The following ANKS1B variants were observed in gnomAD, a reference collection of about 807,000 sequenced individuals.
The protein encoded by ANKS1B is ankyrin repeat and sterile alpha motif domain containing 1B.
Under a neutral mutation model 148.3 loss-of-function variants are expected in ANKS1B, and 36 were observed. That is an observed-to-expected ratio of 0.24 (90% CI 0.19 to 0.32). The LOEUF (loss-of-function observed/expected upper bound fraction) is 0.32, where lower values mean the gene tolerates loss of function less well. Among genes scored for constraint, ANKS1B ranks in the 10% least tolerant of loss-of-function variants. The probability of loss-of-function intolerance (pLI) is 1.00; values close to 1 mark genes in which losing one functional copy is unlikely to be tolerated. For missense variants in ANKS1B, 1,157 were observed against 1,542.6 expected, an observed-to-expected ratio of 0.75 and a Z score of 4.19; for synonymous variants, 542 against 560.8, an observed-to-expected ratio of 0.97 and a Z score of 0.47.
At chr12:99,288,329 C>T (rs1311614334) in intron 12 of ANKS1B, among the ~76,000 whole-genome samples, 1 of 152,024 alleles carries the variant, frequency 6.6e-6, no homozygotes, top group Non-Finnish European at 1.5e-5. Flanking sequence ...ATCCTTCAAA[C>T]ATGAAGGAGA....
chr12:99,523,832 G>A (rs1319885453), intron 9 of ANKS1B, among the ~76,000 whole-genome samples: 5 of 152,112 alleles, frequency 3.3e-5, no homozygotes, highest in African/African-American at 1.2e-4. Flanking sequence ...GACTACAGGC[G>A]TGAGCCACCA....
At chr12:99,271,315 T>A (rs2077011170) in intron 12 of ANKS1B, among the ~76,000 whole-genome samples, 1 of 152,176 alleles carries the variant, frequency 6.6e-6, no homozygotes, top group Non-Finnish European at 1.5e-5. Context: ...TCATGAAGCC[T>A]TTGTTGTTTG....
intron 12 of ANKS1B, among the ~76,000 whole-genome samples, chr12:99,398,779 ATAT>A: frequency 6.6e-6 from 1 of 152,236 alleles, no homozygotes; most frequent in Middle Eastern, 3.4e-3. Context: ...GCTCACCAAC[ATAT>A]TATTAGTGCC....
In ANKS1B at chr12:98,882,754, C is replaced by CAA. The variant is rs5800370; in HGVS notation, c.2779-50620_2779-50619dup. Among the ~76,000 whole-genome samples the CAA allele has an allele frequency of 7.3e-3, 885 of 121,514 alleles. 9 individuals carry two copies. Among genetic ancestry groups the CAA allele is most frequent in the African/African-American group, 0.023 (743 of 32,222 alleles). The allele number at this position is 121,514 out of a possible 152,430, so 79.7% of individuals were successfully genotyped here. A position where few individuals can be genotyped will look rare whatever the true frequency, so the allele number is the denominator to read the frequency against. ...AACTGGGCAAGTAACTGCCATACTG[C>CAA]AAAAAAAAAAAAAAATTCCTTATTA... On this transcript the variant is annotated intron_variant, in intron 17 of 26. Transcript: ENST00000683438.
At chr12:99,249,633 C>A (rs555963024) in intron 12 of ANKS1B, among the ~76,000 whole-genome samples, 5 of 152,302 alleles carry the variant, frequency 3.3e-5, no homozygotes, top group African/African-American at 1.2e-4. Flanking sequence ...TATGAAGCCT[C>A]CTGGAAAGCC....
chr12:99,387,367 C>T (rs982615807), intron 12 of ANKS1B, among the ~76,000 whole-genome samples: 4 of 152,102 alleles, frequency 2.6e-5, no homozygotes, highest in Non-Finnish European at 5.9e-5. Flanking sequence ...CCTGTAATCC[C>T]AGCACTTTGG....
chr12:99,519,820 A>G (rs1483807175), intron 9 of ANKS1B, among the ~76,000 whole-genome samples: 2 of 152,012 alleles, frequency 1.3e-5, no homozygotes, highest in Non-Finnish European at 2.9e-5. Context: ...TTTTTTGTAT[A>G]TCCATTGTAT....
intron 11 of ANKS1B, among the ~76,000 whole-genome samples, chr12:99,432,966 G>A (rs1316443364): frequency 6.6e-6 from 1 of 152,138 alleles, no homozygotes; most frequent in African/African-American, 2.4e-5. Context: ...GAAGACATTG[G>A]AAGGTTGAGC....
chr12:99,159,109 T>G (rs2076376814), intron 14 of ANKS1B, among the ~76,000 whole-genome samples: 1 of 152,180 alleles, frequency 6.6e-6, no homozygotes, highest in South Asian at 2.1e-4. Context: ...GACCAGAGGC[T>G]ATCATTCTTG....
At chr12:98,793,748 A>T (rs1026508517) in intron 22 of ANKS1B, among the ~76,000 whole-genome samples, 1 of 152,246 alleles carries the variant, frequency 6.6e-6, no homozygotes, top group Non-Finnish European at 1.5e-5. Flanking sequence ...GTAAGACTGC[A>T]GAGAGTATTA....
At chr12:99,170,207 TG>T (rs1418727133) in intron 14 of ANKS1B, among the ~76,000 whole-genome samples, 1 of 152,176 alleles carries the variant, frequency 6.6e-6, no homozygotes, top group Non-Finnish European at 1.5e-5. Context: ...TGTTTCCACA[TG>T]GGTGCTCAGC....
At chr12:99,034,521 G>T (rs368161320) in intron 17 of ANKS1B, among the ~76,000 whole-genome samples, 1 of 152,194 alleles carries the variant, frequency 6.6e-6, no homozygotes, top group African/African-American at 2.4e-5. Flanking sequence ...TCGCCATGTT[G>T]CCCAGGCTGG....
intron 12 of ANKS1B, among the ~76,000 whole-genome samples, chr12:99,399,053 C>A (rs767250068): frequency 5.3e-5 from 8 of 152,196 alleles, no homozygotes; most frequent in Non-Finnish European, 7.4e-5. Flanking sequence ...CTTGGCCTTG[C>A]CAGGCGTTAG....
rs779398073 is a variant in ANKS1B, at chr12:98,745,802, A to G, written c.3795T>C (p.Ile1265=). 1 of 1,613,680 alleles carries G rather than the reference A, an allele frequency of 6.2e-7. No homozygotes were observed. The highest frequency in any genetic ancestry group is 8.5e-7 in the Non-Finnish European group (1 of 1,179,742). ...TCTTGGCTTCTTGGCCCGGCTCCAC[A>G]ATCCACGGTAGATTGGCCAGAGTCT... ...EQKTLANLPW[I]VEPGQEAKRG... The change falls in exon 27 of 27, where the codon ATT becomes ATC. Residue 1265 remains isoleucine (I), a synonymous_variant. Transcript: ENST00000683438.
At chr12:99,276,263 T>G (rs1343840103) in intron 12 of ANKS1B, among the ~76,000 whole-genome samples, 1 of 152,160 alleles carries the variant, frequency 6.6e-6, no homozygotes, top group Non-Finnish European at 1.5e-5. Context: ...TTAAATTATG[T>G]CCCCATCTCC....
chr12:99,899,996 T>C (rs2093534642), intron 1 of ANKS1B, among the ~76,000 whole-genome samples: 1 of 151,554 alleles, frequency 6.6e-6, no homozygotes, highest in Non-Finnish European at 1.5e-5. Flanking sequence ...CTTCCCGGGT[T>C]CAAGCGATTC....
At chr12:99,776,755 C>G (rs1425835812) in intron 6 of ANKS1B, among the ~76,000 whole-genome samples, 1 of 152,146 alleles carries the variant, frequency 6.6e-6, no homozygotes, top group African/African-American at 2.4e-5. Context: ...TCTTGACTCA[C>G]TGCAACCTCC....
chr12:99,223,808 A>T (rs2085477253), intron 14 of ANKS1B, among the ~76,000 whole-genome samples: 1 of 152,198 alleles, frequency 6.6e-6, no homozygotes, highest in Non-Finnish European at 1.5e-5. Flanking sequence ...AGCTGTTAGT[A>T]ATCATTTTAA....
At chr12:98,986,591 G>A (rs1041738797) in intron 17 of ANKS1B, among the ~76,000 whole-genome samples, 1 of 151,700 alleles carries the variant, frequency 6.6e-6, no homozygotes, top group Non-Finnish European at 1.5e-5. Flanking sequence ...AATGTTTGTT[G>A]TGTATCTCTT....
Sources: gnomAD v4.1 joint callset for allele counts (sites outside exome capture counted in the v4.1 genomes callset) on GRCh38, gnomAD v4.1.1 for gene constraint, MANE v1.5 for transcripts, NCBI Gene and HGNC (gene_info 2026-07-23, HGNC 2026-07-21) for gene names.